ZFAND6: variants seen among roughly 807,000 people sequenced by gnomAD.
The protein encoded by ZFAND6 is zinc finger AN1-type containing 6, also known as AN1-type zinc finger protein 6.
Under a neutral mutation model 24.5 loss-of-function variants are expected in ZFAND6, and 12 were observed. The observed-to-expected ratio is 0.49, with a 90% CI of 0.31 to 0.79. The LOEUF (loss-of-function observed/expected upper bound fraction) is 0.79, where lower values mean the gene tolerates loss of function less well. ZFAND6 is among the 30% of genes least tolerant of loss of function. The pLI is 0.04. For missense variants in ZFAND6, 207 were observed against 245.9 expected (o/e 0.84, Z 1.06); for synonymous variants, 92 against 81.5 (o/e 1.13, Z -0.69).
chr15:80,077,206 G>C (rs16971714), intron 1 of ZFAND6, among the ~76,000 whole-genome samples: 7,859 of 152,184 alleles, frequency 0.052, 232 homozygotes, highest in African/African-American at 0.059. Flanking sequence ...TTCTGCATCC[G>C]GGTGTATAAA....
chr15:80,129,136 T>C (rs2040489055), intron 5 of ZFAND6, among the ~76,000 whole-genome samples: 1 of 152,218 alleles, frequency 6.6e-6, no homozygotes, highest in African/African-American at 2.4e-5. Context: ...GATACTGTTC[T>C]AGGAGCTGGA....
chr15:80,099,128 C>G (rs939969), intron 2 of ZFAND6, among the ~76,000 whole-genome samples: 1 of 151,844 alleles, frequency 6.6e-6, no homozygotes, highest in Non-Finnish European at 1.5e-5. Context: ...TTTTTAAATT[C>G]GCCAATTTTA....
chr15:80,089,179 A>G (rs1035701066), intron 1 of ZFAND6, among the ~76,000 whole-genome samples: 1 of 151,316 alleles, frequency 6.6e-6, no homozygotes, highest in Non-Finnish European at 1.5e-5. Context: ...CAATAATTCA[A>G]CATATTTGCC....
intron 2 of ZFAND6, among the ~76,000 whole-genome samples, chr15:80,100,785 T>A (rs2038986774): frequency 6.6e-6 from 1 of 152,214 alleles, no homozygotes; most frequent in Non-Finnish European, 1.5e-5. Context: ...TTGGGCTATA[T>A]AAGGCCATGT....
At chr15:80,107,879 C>G (rs12914285) in intron 2 of ZFAND6, among the ~76,000 whole-genome samples, 94,048 of 136,438 alleles carry the variant, frequency 0.69, 31,907 homozygotes, top group Admixed American at 0.79. Context: ...GGGAGGGCAG[C>G]GGGGAGGGGG....
chr15:80,137,258 G>T (rs868531745), intron 6 of ZFAND6, among the ~76,000 whole-genome samples: 8 of 152,212 alleles, frequency 5.3e-5, no homozygotes, highest in Admixed American at 1.3e-4. Flanking sequence ...GAAGAAACAA[G>T]CTCAGAGGAC....
intron 1 of ZFAND6, among the ~76,000 whole-genome samples, chr15:80,074,719 TTC>T (rs2037168578): frequency 6.6e-6 from 1 of 151,982 alleles, no homozygotes; most frequent in African/African-American, 2.4e-5. Flanking sequence ...CATATGTTGT[TTC>T]TGTTTGTCTT....
intron 6 of ZFAND6, among the ~76,000 whole-genome samples, chr15:80,133,016 T>A (rs916212998): frequency 3.9e-5 from 6 of 152,118 alleles, no homozygotes; most frequent in Non-Finnish European, 7.4e-5. Flanking sequence ...TGTACTTTTT[T>A]ATGAAATACC....
chr15:80,080,189 G>A (rs929930975), intron 1 of ZFAND6, among the ~76,000 whole-genome samples: 1 of 151,854 alleles, frequency 6.6e-6, no homozygotes, highest in African/African-American at 2.4e-5. Flanking sequence ...TAGCTACGGG[G>A]TTTCACCATG....
At position 80,071,290 on chromosome 15, in the gene ZFAND6, C is replaced by A. The variant is rs116197935; in HGVS notation, c.-181+11481C>A. ...AAATTAAAATGTTTAAAGGTTTTGT[C>A]ACTTTTTATTTTCTGATGCAAACCA... On this transcript the variant is annotated intron_variant, in intron 1 of 6. Coordinates refer to ENST00000261749, the MANE Select transcript of ZFAND6 (RefSeq NM_019006.4). 5.9e-3 allele frequency among the ~76,000 whole-genome samples: 893 copies of A among 152,218 alleles called. 2 individuals carry two copies. The highest frequency in any genetic ancestry group is 0.021 in the African/African-American group (861 of 41,528).
intron 5 of ZFAND6, among the ~76,000 whole-genome samples, chr15:80,126,725 G>A (rs2040385021): frequency 6.6e-6 from 1 of 152,128 alleles, no homozygotes; most frequent in African/African-American, 2.4e-5. Flanking sequence ...CTTGGTTTAG[G>A]CAGTGGTTTC....
chr15:80,073,081 A>G (rs2037066867), intron 1 of ZFAND6, among the ~76,000 whole-genome samples: 1 of 151,952 alleles, frequency 6.6e-6, no homozygotes, highest in African/African-American at 2.4e-5. Context: ...TGAAATGCCA[A>G]CTGTTTAATT....
chr15:80,082,824 G>A (rs542601773), intron 1 of ZFAND6, among the ~76,000 whole-genome samples: 1 of 152,056 alleles, frequency 6.6e-6, no homozygotes, highest in African/African-American at 2.4e-5. Flanking sequence ...GATTTCCTAT[G>A]AACTAAAAAT....
intron 1 of ZFAND6, among the ~76,000 whole-genome samples, chr15:80,067,410 C>T (rs2036708458): frequency 6.6e-6 from 1 of 151,984 alleles, no homozygotes; most frequent in Non-Finnish European, 1.5e-5. Context: ...TCCTTGATGC[C>T]ACAAAATAGG....
intron 2 of ZFAND6, among the ~76,000 whole-genome samples, chr15:80,113,517 GA>G (rs1380876050): frequency 1.3e-5 from 2 of 152,028 alleles, no homozygotes; most frequent in South Asian, 2.1e-4. Flanking sequence ...AGAATGAAGT[GA>G]AAAAAAGTAT....
intron 1 of ZFAND6, among the ~76,000 whole-genome samples, chr15:80,068,440 C>G (rs1474475684): frequency 1.3e-5 from 2 of 151,896 alleles, no homozygotes; most frequent in Non-Finnish European, 2.9e-5. Flanking sequence ...GGCACGATCT[C>G]GGCTAACTGC....
chr15:80,108,234 TA>T (rs2141971396), intron 2 of ZFAND6, among the ~76,000 whole-genome samples: 1 of 152,284 alleles, frequency 6.6e-6, no homozygotes, highest in Admixed American at 6.5e-5. Context: ...GACCATATAT[TA>T]AACTTTAAAA....
chr15:80,078,608 T>C (rs1358381099), intron 1 of ZFAND6, among the ~76,000 whole-genome samples: 1 of 152,220 alleles, frequency 6.6e-6, no homozygotes, highest in Admixed American at 6.5e-5. Context: ...ATGGTAGTTG[T>C]GTTTTAAGTT....
intron 6 of ZFAND6, among the ~76,000 whole-genome samples, chr15:80,132,502 A>G (rs1003710718): frequency 5.3e-5 from 8 of 152,234 alleles, no homozygotes; most frequent in African/African-American, 1.7e-4. Context: ...TTACTGTGGT[A>G]TATACTATAC....
Sources: allele counts gnomAD v4.1 joint callset (sites outside exome capture counted in the v4.1 genomes callset), GRCh38; gene constraint gnomAD v4.1.1; transcripts MANE v1.5; gene names NCBI Gene and HGNC (gene_info 2026-07-23, HGNC 2026-07-21).